BMPER: variants seen among roughly 807,000 people sequenced by gnomAD.
BMPER encodes BMP-binding endothelial regulator protein.
BMPER carries 45 observed loss-of-function variants against 87.3 expected under a neutral mutation model. The ratio of observed to expected loss-of-function variants is 0.52; its 90% CI spans 0.41 to 0.66. The LOEUF is 0.66. BMPER is among the 30% of genes least tolerant of loss of function. The pLI, the probability that BMPER is intolerant of heterozygous loss-of-function variation, is 0.00. For synonymous variants in BMPER, 326 were observed against 316.2 expected (o/e 1.03, Z -0.33); for missense variants, 784 against 867.5 (o/e 0.90, Z 1.21).
chr7:33,974,996 C>T (rs923859975), intron 6 of BMPER, among the ~76,000 whole-genome samples: 8 of 152,160 alleles, frequency 5.3e-5, no homozygotes, highest in Non-Finnish European at 1.2e-4. Context: ...TGGGCCTGTC[C>T]TGTGTGTTGC....
At chr7:34,041,837 T>C (rs1239898987) in intron 6 of BMPER, among the ~76,000 whole-genome samples, 2 of 152,112 alleles carry the variant, frequency 1.3e-5, no homozygotes, top group Non-Finnish European at 2.9e-5. Context: ...GAAAAATTGC[T>C]CTAGAATGTG....
chr7:33,994,236 G>A (rs996426465), intron 6 of BMPER, among the ~76,000 whole-genome samples: 1 of 152,224 alleles, frequency 6.6e-6, no homozygotes, highest in Non-Finnish European at 1.5e-5. Context: ...CCGCCTTGCA[G>A]TGTGATCTCA....
chr7:34,000,769 T>C (rs1786559711), intron 6 of BMPER, among the ~76,000 whole-genome samples: 2 of 152,160 alleles, frequency 1.3e-5, no homozygotes, highest in Non-Finnish European at 1.5e-5. Context: ...TCTTGTCATC[T>C]TATTGGCCAA....
intron 12 of BMPER, among the ~76,000 whole-genome samples, chr7:34,082,410 A>C (rs185233108): frequency 1.1e-3 from 156 of 145,364 alleles, no homozygotes; most frequent in South Asian, 6.4e-3. Flanking sequence ...AAAAATATCC[A>C]TGCAAATGCA....
intron 6 of BMPER, among the ~76,000 whole-genome samples, chr7:34,034,715 T>G (rs1267088609): frequency 6.6e-6 from 1 of 152,218 alleles, no homozygotes; most frequent in Non-Finnish European, 1.5e-5. Flanking sequence ...CTTTTGTGCT[T>G]TTACTTTCAG....
At chr7:33,935,847 A>G (rs1784588828) in intron 2 of BMPER, among the ~76,000 whole-genome samples, 1 of 152,166 alleles carries the variant, frequency 6.6e-6, no homozygotes, top group South Asian at 2.1e-4. Flanking sequence ...CATTTTCTAT[A>G]TGTGCCATTC....
intron 6 of BMPER, among the ~76,000 whole-genome samples, chr7:34,015,918 G>C (rs1236304602): frequency 6.6e-6 from 1 of 151,748 alleles, no homozygotes. Context: ...AGCATTTTTG[G>C]AATCGTGACT....
intron 6 of BMPER, among the ~76,000 whole-genome samples, chr7:33,980,023 G>A (rs564500801): frequency 2.6e-5 from 4 of 152,310 alleles, no homozygotes; most frequent in East Asian, 1.9e-4. Context: ...AGTTGAGAAC[G>A]TGATAATGTT....
intron 12 of BMPER, among the ~76,000 whole-genome samples, chr7:34,079,505 C>T (rs898627165): frequency 1.3e-5 from 2 of 152,176 alleles, no homozygotes; most frequent in African/African-American, 4.8e-5. Flanking sequence ...CTCCACATAA[C>T]CCCTCTCTCA....
Position 33,921,380 on chromosome 7 carries a change from G to A in BMPER, c.219+14477G>A, listed in dbSNP as rs117067208. ...TCATAGTTGAGCTCATTAAGGCTCAGAAAAGAAAAAGCAAGGCGAAAGTCC... is the reference window on the plus strand; with the variant it reads ...TCATAGTTGAGCTCATTAAGGCTCAAAAAAGAAAAAGCAAGGCGAAAGTCC... On this transcript the variant is annotated intron_variant, in intron 2 of 14. Transcript: ENST00000649409. 3.3e-4 allele frequency among the ~76,000 whole-genome samples: 51 copies of A among 152,298 alleles called. No individual in the cohort carries two copies. The East Asian group carries it at 9.1e-3, about 27-fold the overall frequency.
At chr7:33,980,878 C>T (rs1370880961) in intron 6 of BMPER, among the ~76,000 whole-genome samples, 2 of 152,186 alleles carry the variant, frequency 1.3e-5, no homozygotes, top group Non-Finnish European at 2.9e-5. Flanking sequence ...CCATAAACAC[C>T]TTTGCTCTCA....
intron 6 of BMPER, among the ~76,000 whole-genome samples, chr7:34,005,343 C>T (rs1260856073): frequency 6.6e-6 from 1 of 152,078 alleles, no homozygotes; most frequent in Non-Finnish European, 1.5e-5. Context: ...TATCTCAAAG[C>T]TTGCTATTCT....
At chr7:34,024,573 C>G (rs1336482855) in intron 6 of BMPER, among the ~76,000 whole-genome samples, 5 of 150,194 alleles carry the variant, frequency 3.3e-5, no homozygotes, top group Non-Finnish European at 5.9e-5. Flanking sequence ...ATGCTTTTAG[C>G]TGTTTCTTCT....
intron 6 of BMPER, among the ~76,000 whole-genome samples, chr7:33,994,517 G>A (rs894508753): frequency 3.3e-5 from 5 of 152,166 alleles, no homozygotes; most frequent in Admixed American, 2.6e-4. Flanking sequence ...TGTGCCCACT[G>A]TCTGGCGCTC....
intron 12 of BMPER, among the ~76,000 whole-genome samples, chr7:34,083,872 G>A (rs2127976184): frequency 6.6e-6 from 1 of 151,882 alleles, no homozygotes; most frequent in South Asian, 2.1e-4. Context: ...CTGAACATTT[G>A]CTCATCAGCT....
chr7:33,998,767 C>T (rs912431896), intron 6 of BMPER, among the ~76,000 whole-genome samples: 5 of 152,190 alleles, frequency 3.3e-5, no homozygotes, highest in Admixed American at 2.0e-4. Context: ...TGTGATCCCC[C>T]GGCTGCCGAA....
chr7:34,052,004 T>C, intron 8 of BMPER, 34 bp downstream of exon 8: 1 of 1,558,960 alleles, frequency 6.4e-7, no homozygotes, highest in Non-Finnish European at 8.8e-7. Context: ...GGTCCAGCAA[T>C]GATAGGGTTT....
intron 6 of BMPER, among the ~76,000 whole-genome samples, chr7:34,040,444 C>T (rs911248820): frequency 2.6e-5 from 4 of 152,046 alleles, no homozygotes; most frequent in African/African-American, 7.2e-5. Flanking sequence ...AGCTTAGTGA[C>T]GACTGAGACA....
At chr7:34,062,543 G>C (rs1020107175) in intron 11 of BMPER, among the ~76,000 whole-genome samples, 2 of 149,718 alleles carry the variant, frequency 1.3e-5, no homozygotes, top group Non-Finnish European at 3.0e-5. Flanking sequence ...AGAAGTCATC[G>C]GGCTGATGGT....
Sources: allele counts gnomAD v4.1 joint callset (sites outside exome capture counted in the v4.1 genomes callset), GRCh38; gene constraint gnomAD v4.1.1; transcripts MANE v1.5; gene names NCBI Gene and HGNC (gene_info 2026-07-23, HGNC 2026-07-21).